TENM4: variants seen among roughly 807,000 people sequenced by gnomAD.
The protein encoded by TENM4 is teneurin transmembrane protein 4, also known as teneurin-4.
Under a neutral mutation model 243.3 loss-of-function variants are expected in TENM4, and 82 were observed. The ratio of observed to expected loss-of-function variants is 0.34; its 90% confidence interval spans 0.28 to 0.40. The LOEUF (loss-of-function observed/expected upper bound fraction) is 0.40, where lower values mean the gene tolerates loss of function less well. TENM4 is among the 10% of genes least tolerant of loss of function. The probability of loss-of-function intolerance (pLI) is 1.00; values close to 1 mark genes in which losing one functional copy is unlikely to be tolerated. For synonymous variants in TENM4, 1,412 were observed against 1,456.3 expected, an observed-to-expected ratio of 0.97 and a Z score of 0.69; for missense variants, 3,138 against 3,673.3, an observed-to-expected ratio of 0.85 and a Z score of 3.77.
At chr11:78,776,008 A>C (rs1240865608) in intron 17 of TENM4, among the ~76,000 whole-genome samples, 4 of 152,134 alleles carry the variant, frequency 2.6e-5, no homozygotes, top group Admixed American at 2.6e-4. Context: ...TCATATATCA[A>C]ATGGCCCATT....
At chr11:79,261,679 A>G (rs1855800663) in intron 2 of TENM4, among the ~76,000 whole-genome samples, 1 of 152,046 alleles carries the variant, frequency 6.6e-6, no homozygotes, top group African/African-American at 2.4e-5. Context: ...GGCTTCTACA[A>G]TTTTTTTGGT....
chr11:79,282,431 C>T (rs566098722), intron 2 of TENM4, among the ~76,000 whole-genome samples: 23 of 152,180 alleles, frequency 1.5e-4, no homozygotes, highest in Non-Finnish European at 3.4e-4. Context: ...GGCCACAATT[C>T]AAAACTCTCT....
At chr11:78,926,677 GT>G (rs754243078) in intron 6 of TENM4, among the ~76,000 whole-genome samples, 67 of 127,296 alleles carry the variant, frequency 5.3e-4, no homozygotes, top group East Asian at 2.9e-3. Flanking sequence ...GGTGTTTTTT[GT>G]TTTTTTTTTT....
At position 78,854,091 on chromosome 11, in the gene TENM4, GT is replaced by G; in HGVS notation, c.1681+12del. The G allele has an allele frequency of 6.5e-7, 1 of 1,550,354 alleles. No homozygotes were observed. Among genetic ancestry groups the G allele is most frequent in the Non-Finnish European group, 8.7e-7 (1 of 1,146,088 alleles). On this transcript the variant is annotated intron_variant, in intron 12 of 33. Transcript: ENST00000278550. ...CAATATCCCACAGCCCCCAGAGGGT[GT>G]GGCTCCCTTACCAATGGCAGTGGTG...
chr11:79,039,870 G>A (rs1376523503), intron 6 of TENM4, among the ~76,000 whole-genome samples: 1 of 152,236 alleles, frequency 6.6e-6, no homozygotes, highest in Middle Eastern at 3.4e-3. Context: ...AGATGGAAAC[G>A]TATCTAAAGC....
chr11:78,869,181 T>C (rs1157727319), intron 9 of TENM4, among the ~76,000 whole-genome samples: 1 of 150,698 alleles, frequency 6.6e-6, no homozygotes, highest in Non-Finnish European at 1.5e-5. Context: ...GAGAACGACT[T>C]AGCTAACTTA....
At chr11:79,357,525 G>A (rs1857518223) in intron 1 of TENM4, among the ~76,000 whole-genome samples, 1 of 152,150 alleles carries the variant, frequency 6.6e-6, no homozygotes, top group Non-Finnish European at 1.5e-5. Flanking sequence ...GATGATGTGG[G>A]GTTTTGCAAA....
At chr11:79,150,438 C>T (rs1049515397) in intron 3 of TENM4, among the ~76,000 whole-genome samples, 2 of 152,096 alleles carry the variant, frequency 1.3e-5, no homozygotes, top group Non-Finnish European at 2.9e-5. Flanking sequence ...ATCTAGCAAA[C>T]AGCCCTTCCC....
At chr11:79,111,276 T>G (rs1044954118) in intron 4 of TENM4, among the ~76,000 whole-genome samples, 2 of 152,196 alleles carry the variant, frequency 1.3e-5, no homozygotes, top group Non-Finnish European at 2.9e-5. Flanking sequence ...CCAGGCGCCG[T>G]GGCTCACACC....
chr11:78,687,987 C>A, intron 29 of TENM4, 67 bp downstream of exon 29: 1 of 1,544,870 alleles, frequency 6.5e-7, no homozygotes, highest in Admixed American at 1.8e-5. Flanking sequence ...ATTTCTTGTG[C>A]CATCCTCCTC....
At chr11:78,816,205 C>T (rs764968565) in intron 12 of TENM4, among the ~76,000 whole-genome samples, 5 of 152,226 alleles carry the variant, frequency 3.3e-5, no homozygotes, top group Non-Finnish European at 7.3e-5. Flanking sequence ...AGCCAAACTC[C>T]TTAAATCTCT....
At chr11:78,894,753 G>T (rs1460319609) in intron 7 of TENM4, among the ~76,000 whole-genome samples, 2 of 152,154 alleles carry the variant, frequency 1.3e-5, no homozygotes, top group Non-Finnish European at 2.9e-5. Context: ...AGCACTTTGG[G>T]AGGCTGAGGC....
chr11:78,687,940 A>G (rs1233028548), intron 29 of TENM4, 114 bp downstream of exon 29: 2 of 1,285,506 alleles, frequency 1.6e-6, no homozygotes, highest in East Asian at 2.3e-5. Flanking sequence ...GAGAGTTGCA[A>G]TGCTTTCCTG....
chr11:79,246,007 G>C (rs1472309610), intron 2 of TENM4, among the ~76,000 whole-genome samples: 1 of 149,398 alleles, frequency 6.7e-6, no homozygotes, highest in Admixed American at 6.7e-5. Flanking sequence ...ATCTAAAAGA[G>C]AGAGTGAGTG....
intron 2 of TENM4, among the ~76,000 whole-genome samples, chr11:79,286,647 C>T (rs749897123): frequency 3.7e-4 from 56 of 151,846 alleles, no homozygotes; most frequent in African/African-American, 1.2e-3. Flanking sequence ...CCAGCCTGGG[C>T]AACAAGAGCG....
intron 1 of TENM4, among the ~76,000 whole-genome samples, chr11:79,307,155 C>G (rs1301672918): frequency 6.6e-6 from 1 of 152,144 alleles, no homozygotes; most frequent in Non-Finnish European, 1.5e-5. Context: ...TTTTACTCCC[C>G]CAGTTTTATA....
At chr11:79,330,425 AG>A (rs1857043656) in intron 1 of TENM4, among the ~76,000 whole-genome samples, 1 of 152,136 alleles carries the variant, frequency 6.6e-6, no homozygotes, top group Non-Finnish European at 1.5e-5. Flanking sequence ...TAGGGGGAAA[AG>A]CACACCCACT....
At chr11:78,754,554 A>C (rs1232030783) in intron 19 of TENM4, among the ~76,000 whole-genome samples, 3 of 151,908 alleles carry the variant, frequency 2.0e-5, no homozygotes, top group African/African-American at 7.2e-5. Context: ...GGGCCCCGTA[A>C]AGAATGACTG....
At chr11:79,138,450 A>C (rs1237827530) in intron 4 of TENM4, among the ~76,000 whole-genome samples, 2 of 116,568 alleles carry the variant, frequency 1.7e-5, no homozygotes, top group Admixed American at 1.1e-4. Context: ...TTATATTTAT[A>C]TATAATATAT....
Sources: gnomAD v4.1 joint callset for allele counts (sites outside exome capture counted in the v4.1 genomes callset) on GRCh38, gnomAD v4.1.1 for gene constraint, MANE v1.5 for transcripts, NCBI Gene and HGNC (gene_info 2026-07-23, HGNC 2026-07-21) for gene names.